Variants in CASK observed in about 807,000 individuals in gnomAD.
The protein encoded by CASK is calcium/calmodulin dependent serine protein kinase, also known as peripheral plasma membrane protein CASK.
In CASK, 4 loss-of-function variants were observed where a neutral mutation model predicts 82.9. That is an observed-to-expected ratio of 0.05 (90% CI 0.02 to 0.11). The LOEUF (loss-of-function observed/expected upper bound fraction) is 0.11. Among genes scored for constraint, CASK ranks in the 10% least tolerant of loss-of-function variants. The pLI is 1.00. For missense variants in CASK, 358 were observed against 720.9 expected (o/e 0.50, Z 5.76); for synonymous variants, 259 against 253.5 (o/e 1.02, Z -0.20).
chrX:41,746,203 G>A lies in CASK; in HGVS notation c.279-602C>T, dbSNP rs905722047. 1.6e-4 allele frequency among the ~76,000 whole-genome samples: 18 copies of A among 111,060 alleles called. 1 individual carries two copies. The highest frequency in any genetic ancestry group is 5.2e-4 in the African/African-American group (16 of 30,482). On this transcript the variant is annotated intron_variant, in intron 3 of 26. Transcript: ENST00000378163. Reference sequence around the variant, plus strand: ...TAGTTTTCTATTTCTTACTAGATAAGTAAGGCCTCTTGTTGTCTTGGCCAC... The same window carrying A: ...TAGTTTTCTATTTCTTACTAGATAAATAAGGCCTCTTGTTGTCTTGGCCAC...
At chrX:41,839,518 A>G (rs1438314299) in intron 2 of CASK, among the ~76,000 whole-genome samples, 1 of 105,803 alleles carries the variant, frequency 9.5e-6, no homozygotes, top group African/African-American at 3.5e-5. Context: ...CGCACTCACT[A>G]GTTCTAGGAG....
chrX:41,713,080 T>C (rs2068005494), intron 5 of CASK, among the ~76,000 whole-genome samples: 1 of 111,987 alleles, frequency 8.9e-6, no homozygotes, highest in Non-Finnish European at 1.9e-5. Context: ...TTTTTTTCTA[T>C]TGCAATTTCC....
chrX:41,596,265 G>A (rs2065821032), intron 12 of CASK, among the ~76,000 whole-genome samples: 1 of 110,621 alleles, frequency 9.0e-6, no homozygotes, highest in African/African-American at 3.3e-5. Context: ...TTTAGGCTTT[G>A]CAGGCCATAT....
At chrX:41,759,647 C>G (rs1347621670) in intron 3 of CASK, among the ~76,000 whole-genome samples, 4 of 111,605 alleles carry the variant, frequency 3.6e-5, no homozygotes, top group Non-Finnish European at 7.5e-5. Flanking sequence ...GTTTTAGGCT[C>G]AAGCCTGGCA....
chrX:41,643,200 G>A (rs1470325097), intron 8 of CASK, among the ~76,000 whole-genome samples: 1 of 111,922 alleles, frequency 8.9e-6, no homozygotes, highest in East Asian at 2.8e-4. Context: ...AAGTCAGGTA[G>A]TGTGATGCCT....
chrX:41,716,271 T>C (rs1312860573), intron 5 of CASK, among the ~76,000 whole-genome samples: 3 of 112,289 alleles, frequency 2.7e-5, no homozygotes, highest in Non-Finnish European at 5.6e-5. Context: ...GAGAGATATC[T>C]TCCTCAGAGT....
At chrX:41,801,687 A>C (rs1219162635) in intron 2 of CASK, among the ~76,000 whole-genome samples, 2 of 111,494 alleles carry the variant, frequency 1.8e-5, no homozygotes, top group Non-Finnish European at 3.8e-5. Context: ...GGACTGGCTG[A>C]ACCTTTATAG....
chrX:41,673,140 T>C (rs1350991645), intron 5 of CASK, among the ~76,000 whole-genome samples: 2 of 112,316 alleles, frequency 1.8e-5, no homozygotes, highest in African/African-American at 6.5e-5. Context: ...AACTCCAAAG[T>C]TCTGTATGCC....
chrX:41,537,085 CCTAA>C lies in CASK; in HGVS notation c.2156-2116_2156-2113del, dbSNP rs1288886781. ...ACACACACCTATCCCTCTATAGAGC[CCTAA>C]CTGTGATCCTACCAAATTAAGACTT... On this transcript the variant is annotated intron_variant, in intron 22 of 26. Transcript: ENST00000378163. Among the ~76,000 whole-genome samples the C allele has an allele frequency of 6.3e-5, 7 of 111,574 alleles. No homozygotes were observed. The South Asian group carries it at 2.6e-3, about 42-fold the overall frequency.
intron 2 of CASK, among the ~76,000 whole-genome samples, chrX:41,831,788 G>C (rs2070821990): frequency 9.1e-6 from 1 of 110,392 alleles, no homozygotes; most frequent in Non-Finnish European, 1.9e-5. Flanking sequence ...GTGAAACCCT[G>C]TCTCTACTAA....
At chrX:41,743,711 G>T (rs758105794) in intron 4 of CASK, 20 of 296,125 alleles carry the variant, frequency 6.8e-5, no homozygotes, top group South Asian at 6.1e-4. Flanking sequence ...TCTCCAAGTT[G>T]TTTCCAGCTA....
intron 1 of CASK, among the ~76,000 whole-genome samples, chrX:41,913,228 G>A (rs2072615214): frequency 8.9e-6 from 1 of 112,096 alleles, no homozygotes; most frequent in Admixed American, 9.5e-5. Context: ...AGTGTTTGGT[G>A]AATAGCAATA....
chrX:41,565,485 G>GA (rs1307765008), intron 16 of CASK, among the ~76,000 whole-genome samples: 2 of 111,650 alleles, frequency 1.8e-5, no homozygotes, highest in African/African-American at 3.3e-5. Flanking sequence ...AGAAAATCTA[G>GA]AAAAAATGGA....
intron 3 of CASK, among the ~76,000 whole-genome samples, chrX:41,759,917 T>C (rs1195057474): frequency 9.0e-6 from 1 of 111,496 alleles, no homozygotes; most frequent in Non-Finnish European, 1.9e-5. Context: ...GGTCCTATAT[T>C]TACCTCTTTT....
chrX:41,782,091 T>TA (rs1037764236), intron 3 of CASK, among the ~76,000 whole-genome samples: 9 of 111,507 alleles, frequency 8.1e-5, no homozygotes, highest in Non-Finnish European at 1.5e-4. Flanking sequence ...TATGATCATT[T>TA]AAAAAATCCT....
intron 2 of CASK, among the ~76,000 whole-genome samples, chrX:41,831,351 A>G (rs1302562824): frequency 8.9e-6 from 1 of 111,941 alleles, no homozygotes; most frequent in African/African-American, 3.3e-5. Flanking sequence ...AAGTTATTTA[A>G]CTTCTTTAAT....
In CASK at chrX:41,540,454, CG is replaced by C. The variant is rs768965841; in HGVS notation, c.2155+2236del. 4.5e-3 allele frequency among the ~76,000 whole-genome samples: 506 copies of C among 112,634 alleles called. 4 individuals are homozygous for C. The highest frequency in any genetic ancestry group is 0.016 in the African/African-American group (485 of 31,062). On this transcript the variant is annotated intron_variant, in intron 22 of 26. Transcript: ENST00000378163. ...AGAATACTTGGCTTCATTGAATGATCGCCATTTGTCAGGCCCAGTGATGAAA... is the reference window on the plus strand; with the variant it reads ...AGAATACTTGGCTTCATTGAATGATCCCATTTGTCAGGCCCAGTGATGAAA...
chrX:41,742,618 C>T (rs1336073386), intron 4 of CASK, among the ~76,000 whole-genome samples: 2 of 111,934 alleles, frequency 1.8e-5, no homozygotes, highest in African/African-American at 6.5e-5. Flanking sequence ...AATTTGATTA[C>T]TTGGTGTCTC....
intron 5 of CASK, among the ~76,000 whole-genome samples, chrX:41,722,943 T>A (rs1177568055): frequency 1.8e-5 from 2 of 112,254 alleles, no homozygotes; most frequent in Non-Finnish European, 3.8e-5. Flanking sequence ...GATACATTAC[T>A]GAAGTAAAAG....
Sources: gnomAD v4.1 joint callset for allele counts (sites outside exome capture counted in the v4.1 genomes callset) on GRCh38, gnomAD v4.1.1 for gene constraint, MANE v1.5 for transcripts, NCBI Gene and HGNC (gene_info 2026-07-23, HGNC 2026-07-21) for gene names.